GRIA4: variants seen among roughly 807,000 people sequenced by gnomAD.
GRIA4 encodes glutamate receptor 4.
A neutral mutation model predicts 104.0 loss-of-function variants in GRIA4; 34 were observed. The observed-to-expected ratio is 0.33, with a 90% CI of 0.25 to 0.44. The LOEUF is 0.44. GRIA4 is among the 20% of genes least tolerant of loss of function. GRIA4 has a pLI of 1.00. For synonymous variants in GRIA4, 386 were observed against 381.9 expected, an observed-to-expected ratio of 1.01 and a Z score of -0.13; for missense variants, 750 against 1,096.5, an observed-to-expected ratio of 0.68 and a Z score of 4.46.
At chr11:105,783,533 G>A (rs1941819222) in intron 4 of GRIA4, among the ~76,000 whole-genome samples, 1 of 152,134 alleles carries the variant, frequency 6.6e-6, no homozygotes, top group Middle Eastern at 3.2e-3. Flanking sequence ...GTCATCCTAA[G>A]GAAGGATTCA....
At chr11:105,703,424 G>A (rs1591105029) in intron 3 of GRIA4, among the ~76,000 whole-genome samples, 1 of 152,230 alleles carries the variant, frequency 6.6e-6, no homozygotes, top group East Asian at 1.9e-4. Flanking sequence ...AGACATCAAT[G>A]TAAGGAAATT....
At chr11:105,921,555 C>A (rs777961334) in intron 11 of GRIA4, among the ~76,000 whole-genome samples, 73 of 152,096 alleles carry the variant, frequency 4.8e-4, no homozygotes, top group African/African-American at 3.6e-4. Flanking sequence ...CTATCTCTAA[C>A]TTTTTGAAAG....
At chr11:105,713,413 T>C (rs749131954) in intron 3 of GRIA4, among the ~76,000 whole-genome samples, 1 of 152,100 alleles carries the variant, frequency 6.6e-6, no homozygotes, top group Non-Finnish European at 1.5e-5. Flanking sequence ...TCTGAATACA[T>C]TTATTTCTGC....
At chr11:105,737,886 T>C (rs959594648) in intron 3 of GRIA4, among the ~76,000 whole-genome samples, 6 of 152,116 alleles carry the variant, frequency 3.9e-5, no homozygotes, top group African/African-American at 1.4e-4. Flanking sequence ...AATTTCATCT[T>C]TCAAAAAGAA....
intron 3 of GRIA4, among the ~76,000 whole-genome samples, chr11:105,683,453 G>A (rs1055599639): frequency 6.6e-6 from 1 of 151,920 alleles, no homozygotes; most frequent in Non-Finnish European, 1.5e-5. Flanking sequence ...ACTTAACCAA[G>A]GCTCCTGAAG....
intron 3 of GRIA4, among the ~76,000 whole-genome samples, chr11:105,633,013 T>C (rs747689556): frequency 1.4e-4 from 22 of 152,252 alleles, no homozygotes; most frequent in Middle Eastern, 3.4e-3. Flanking sequence ...AGGAAATACA[T>C]ATGAAATAAA....
chr11:105,929,773 C>A (rs961476296), intron 13 of GRIA4, among the ~76,000 whole-genome samples: 32 of 152,040 alleles, frequency 2.1e-4, no homozygotes, highest in African/African-American at 7.7e-4. Context: ...TTAACTATAA[C>A]ACATGACATT....
chr11:105,659,808 G>A (rs1951952297), intron 3 of GRIA4, among the ~76,000 whole-genome samples: 2 of 151,612 alleles, frequency 1.3e-5, no homozygotes, highest in African/African-American at 4.8e-5. Context: ...AGGACTGAAA[G>A]AACATCACAA....
chr11:105,657,050 G>A (rs5006890), intron 3 of GRIA4, among the ~76,000 whole-genome samples: 78,122 of 151,062 alleles, frequency 0.52, 20,382 homozygotes, highest in Admixed American at 0.61. Flanking sequence ...AAAAAAAAAG[G>A]GTTAAACCAA....
intron 3 of GRIA4, among the ~76,000 whole-genome samples, chr11:105,662,240 C>T (rs901647800): frequency 6.6e-6 from 1 of 151,744 alleles, no homozygotes; most frequent in East Asian, 1.9e-4. Context: ...ATTCATTTTA[C>T]AGGTGAGAAA....
intron 14 of GRIA4, among the ~76,000 whole-genome samples, chr11:105,943,125 A>G (rs938041597): frequency 2.6e-5 from 4 of 152,148 alleles, no homozygotes. Context: ...GAACTTCTAT[A>G]AAAGCTCAGC....
chr11:105,657,224 T>G (rs1273519197), intron 3 of GRIA4, among the ~76,000 whole-genome samples: 1 of 151,992 alleles, frequency 6.6e-6, no homozygotes, highest in African/African-American at 2.4e-5. Context: ...AATATAACCT[T>G]AAGCTTTTCT....
At chr11:105,714,389 C>A (rs1414324228) in intron 3 of GRIA4, among the ~76,000 whole-genome samples, 2 of 151,988 alleles carry the variant, frequency 1.3e-5, no homozygotes, top group East Asian at 3.9e-4. Flanking sequence ...AATCTGATAT[C>A]ACTTTGAGAT....
intron 3 of GRIA4, among the ~76,000 whole-genome samples, chr11:105,685,331 C>G (rs1266203766): frequency 6.6e-6 from 1 of 152,156 alleles, no homozygotes; most frequent in African/African-American, 2.4e-5. Context: ...AGCCCGAGCT[C>G]TAATTTTCAA....
intron 4 of GRIA4, among the ~76,000 whole-genome samples, chr11:105,768,184 G>A (rs894561118): frequency 6.6e-6 from 1 of 152,116 alleles, no homozygotes; most frequent in African/African-American, 2.4e-5. Flanking sequence ...GACAAGGCAA[G>A]CATAGTAGGG....
At chr11:105,628,072 T>C (rs909117651) in intron 3 of GRIA4, among the ~76,000 whole-genome samples, 1 of 151,878 alleles carries the variant, frequency 6.6e-6, no homozygotes, top group Non-Finnish European at 1.5e-5. Context: ...CCATCATATA[T>C]ATGTGTGTAT....
chr11:105,635,646 G>T (rs566174960), intron 3 of GRIA4, among the ~76,000 whole-genome samples: 2 of 152,126 alleles, frequency 1.3e-5, no homozygotes, highest in Non-Finnish European at 2.9e-5. Flanking sequence ...CCGCCTGCCC[G>T]AGCTGTGGCC....
intron 3 of GRIA4, among the ~76,000 whole-genome samples, chr11:105,710,339 T>C (rs1953867667): frequency 6.6e-6 from 1 of 152,100 alleles, no homozygotes; most frequent in Non-Finnish European, 1.5e-5. Context: ...TAGGAAGCAG[T>C]AATGGCCTCA....
chr11:105,641,691 C>A (rs117287676), intron 3 of GRIA4, among the ~76,000 whole-genome samples: 1 of 152,054 alleles, frequency 6.6e-6, no homozygotes, highest in Non-Finnish European at 1.5e-5. Context: ...AATTAGATAC[C>A]TTCCCATCCT....
Sources: gnomAD v4.1 joint callset for allele counts (sites outside exome capture counted in the v4.1 genomes callset) on GRCh38, gnomAD v4.1.1 for gene constraint, MANE v1.5 for transcripts, NCBI Gene and HGNC (gene_info 2026-07-23, HGNC 2026-07-21) for gene names.